The following A1CF variants were observed in gnomAD, a reference collection of about 807,000 sequenced individuals.
A1CF encodes the protein APOBEC-1 stimulating protein.
A neutral mutation model predicts 68.9 loss-of-function variants in A1CF; 48 were observed. The observed-to-expected ratio is 0.70, with a 90% CI of 0.55 to 0.89. A1CF has a LOEUF of 0.89. A1CF is among the 40% of genes least tolerant of loss of function. The pLI is 0.00. For missense variants in A1CF, 653 were observed against 718.9 expected (o/e 0.91, Z 1.05); for synonymous variants, 272 against 260.4 (o/e 1.04, Z -0.43).
chr10:50,838,750 T>C (rs1839637939), intron 5 of A1CF, among the ~76,000 whole-genome samples: 1 of 152,206 alleles, frequency 6.6e-6, no homozygotes, highest in Non-Finnish European at 1.5e-5. Flanking sequence ...GTTCTTTCCC[T>C]GGCAGGACTG....
intron 1 of A1CF, among the ~76,000 whole-genome samples, chr10:50,869,682 AAT>A (rs1049063338): frequency 3.3e-5 from 5 of 152,142 alleles, no homozygotes; most frequent in Admixed American, 1.3e-4. Context: ...GTTCTAGAAG[AAT>A]ATATAATAAT....
chr10:50,853,096 G>T (rs532256528), intron 3 of A1CF, among the ~76,000 whole-genome samples: 19 of 152,188 alleles, frequency 1.2e-4, no homozygotes, highest in African/African-American at 3.4e-4. Flanking sequence ...AGTGTGAGGG[G>T]TGGGAATTGA....
intron 2 of A1CF, among the ~76,000 whole-genome samples, chr10:50,861,856 A>G (rs7913306): frequency 0.98 from 144,942 of 148,300 alleles, 70,936 homozygotes; most frequent in East Asian, 1. Context: ...AATAGTATTT[A>G]TAATACTACT....
In A1CF at chr10:50,806,797, A is replaced by G. The variant is rs1254069617; in HGVS notation, c.1693T>C (p.Tyr565His). ...AVTLGQDLAA[Y>H]TTYEVYPTFA... ...GTTGGGTAGACCTCATAGGTTGTAT[A>G]TGCTGCTAAGTCTTGTCCAAGGGTT... Residue 565 changes from tyrosine (Y) to histidine (H), a missense_variant, in exon 13 of 13, where the codon TAT (tyrosine) becomes CAT (histidine). By Grantham distance (83) the Tyr-to-His change is moderately conservative. Coordinates refer to ENST00000373997, the MANE Select transcript of A1CF (RefSeq NM_014576.4). 1 of 1,613,634 alleles carries G rather than the reference A, an allele frequency of 6.2e-7. No homozygotes were observed. The highest frequency in any genetic ancestry group is 1.7e-5 in the Admixed American group (1 of 59,976).
At chr10:50,815,139 G>T (rs1168375959) in intron 9 of A1CF, among the ~76,000 whole-genome samples, 2 of 152,146 alleles carry the variant, frequency 1.3e-5, no homozygotes, top group Non-Finnish European at 2.9e-5. Context: ...TTATCGAATT[G>T]CCCAGATTCA....
At chr10:50,844,958 T>C (rs2132464864) in intron 3 of A1CF, among the ~76,000 whole-genome samples, 1 of 152,346 alleles carries the variant, frequency 6.6e-6, no homozygotes, top group African/African-American at 2.4e-5. Flanking sequence ...AATTATATTT[T>C]GTAAGTGTTA....
chr10:50,825,383 C>T lies in A1CF; in HGVS notation c.769+2748G>A, dbSNP rs1021447027. ...CACAAAATGATATGGCAAAAAAGAG[C>T]AGTCATGTTTCAGAAACTTGAAAAA... On this transcript the variant is annotated intron_variant, in intron 7 of 12. Transcript: ENST00000373997. Among the ~76,000 whole-genome samples, 4 of 152,238 alleles carry T rather than the reference C, an allele frequency of 2.6e-5. No homozygotes were observed. In the East Asian group the frequency reaches 5.8e-4, roughly 22 times the overall value.
intron 10 of A1CF, among the ~76,000 whole-genome samples, chr10:50,811,805 A>G (rs1319836353): frequency 2.0e-5 from 3 of 152,010 alleles, no homozygotes; most frequent in South Asian, 4.1e-4. Context: ...ATCCTCCTGC[A>G]TGTTTTTTCT....
intron 9 of A1CF, among the ~76,000 whole-genome samples, chr10:50,815,141 C>T (rs1213977995): frequency 6.6e-6 from 1 of 152,102 alleles, no homozygotes; most frequent in Non-Finnish European, 1.5e-5. Flanking sequence ...ATCGAATTGC[C>T]CAGATTCATG....
chr10:50,865,468 A>G (rs953590524), intron 1 of A1CF, among the ~76,000 whole-genome samples: 3 of 152,196 alleles, frequency 2.0e-5, no homozygotes, highest in East Asian at 1.9e-4. Flanking sequence ...ATTAGCTATT[A>G]TATCATTTTA....
intron 7 of A1CF, 65 bp downstream of exon 7, chr10:50,828,066 A>G (rs1839053086): frequency 8.0e-7 from 1 of 1,248,904 alleles, no homozygotes; most frequent in Non-Finnish European, 1.1e-6. Context: ...CGACACATAC[A>G]CCCTCCCAAG....
intron 9 of A1CF, 123 bp downstream of exon 9, chr10:50,815,883 T>A: frequency 8.4e-7 from 1 of 1,190,228 alleles, no homozygotes. Context: ...AATAGTTGAT[T>A]TTTAATAAAC....
chr10:50,863,074 C>A (rs1214519999), intron 2 of A1CF: 2 of 152,146 alleles, frequency 1.3e-5, no homozygotes, highest in Non-Finnish European at 2.9e-5. Context: ...TCAGAAAGGT[C>A]TTTTGATCAC....
rs1395504144 is a variant in A1CF at position 50,844,168 on chromosome 10, AC to A, written c.100-47del. Reference sequence around the variant, plus strand: ...TGAAGGAGAGGAGAAAATGATCAAGACTTTAATTCAATTTCCCTGAGTATTT... The same window carrying A: ...TGAAGGAGAGGAGAAAATGATCAAGATTTAATTCAATTTCCCTGAGTATTT... On this transcript the variant is annotated intron_variant, in intron 3 of 12. Coordinates refer to ENST00000373997, the MANE Select transcript of A1CF (RefSeq NM_014576.4). The A allele has an allele frequency of 8.8e-6, 14 of 1,585,520 alleles. No homozygotes were observed. The African/African-American group carries it at 1.2e-4, about 14-fold the overall frequency.
chr10:50,837,821 TAGA>T lies in A1CF; in HGVS notation c.366-1512_366-1510del, dbSNP rs1227448743. Among the ~76,000 whole-genome samples the T allele has an allele frequency of 2.0e-5, 3 of 152,198 alleles. No individual in the cohort carries two copies. In the East Asian group the frequency reaches 5.8e-4, roughly 29 times the overall value. On this transcript the variant is annotated intron_variant, in intron 5 of 12. Coordinates refer to ENST00000373997, the MANE Select transcript of A1CF (RefSeq NM_014576.4). ...TCTGCAGTCGTTAAAAAGAGTAACG[TAGA>T]AGAATATATATTGGTTTAAAAAAAC...
chr10:50,821,580 G>A (rs1195262588), intron 7 of A1CF, among the ~76,000 whole-genome samples: 1 of 151,424 alleles, frequency 6.6e-6, no homozygotes, highest in African/African-American at 2.4e-5. Flanking sequence ...TTGTTGCCCA[G>A]GCTAGAGTGC....
In A1CF at chr10:50,836,176, C is replaced by T. The variant is rs1285960468; in HGVS notation, c.502G>A (p.Val168Ile). Reference protein sequence around the residue: ...KVTEGVVDVIVYPSAADKTKN... With the variant: ...KVTEGVVDVIIYPSAADKTKN... ...GTTTTATCTGCAGCGCTTGGGTAGA[C>T]GATGACATCGACAACACCTTCAGTA... The change falls in exon 6 of 13, where the codon GTC becomes ATC. Residue 168 changes from valine (V) to isoleucine (I), a missense_variant. Physicochemically the swap from Val to Ile is conservative, Grantham distance 29. Coordinates refer to ENST00000373997, the MANE Select transcript of A1CF (RefSeq NM_014576.4). 2.5e-6 allele frequency: 4 copies of T among 1,613,926 alleles called. No homozygotes were observed. Among genetic ancestry groups the T allele is most frequent in the East Asian group, 4.5e-5 (2 of 44,858 alleles).
chr10:50,874,085 TA>T (rs1240338351), intron 1 of A1CF, among the ~76,000 whole-genome samples: 1 of 152,080 alleles, frequency 6.6e-6, no homozygotes, highest in Non-Finnish European at 1.5e-5. Flanking sequence ...TCTCAATTTT[TA>T]AAAAACTACA....
chr10:50,829,742 C>CT (rs1839150779), intron 6 of A1CF, among the ~76,000 whole-genome samples: 1 of 152,110 alleles, frequency 6.6e-6, no homozygotes, highest in Non-Finnish European at 1.5e-5. Flanking sequence ...CCCCAAGGCT[C>CT]CCACATAATT....
Sources: gnomAD v4.1 joint callset for allele counts (sites outside exome capture counted in the v4.1 genomes callset) on GRCh38, gnomAD v4.1.1 for gene constraint, MANE v1.5 for transcripts, NCBI Gene and HGNC (gene_info 2026-07-23, HGNC 2026-07-21) for gene names.